Variants in SORCS2 observed in about 807,000 individuals in gnomAD.
SORCS2 encodes VPS10 domain-containing receptor SorCS2.
SORCS2 carries 100 observed loss-of-function variants against 141.6 expected under a neutral mutation model. The observed-to-expected ratio is 0.71, with a 90% confidence interval of 0.60 to 0.83. The LOEUF (loss-of-function observed/expected upper bound fraction) is 0.83, where lower values mean the gene tolerates loss of function less well. Ranked by LOEUF, SORCS2 falls within the 40% of genes least tolerant of loss-of-function variation. The pLI, the probability that SORCS2 is intolerant of heterozygous loss-of-function variation, is 0.00. For missense variants in SORCS2, 1,646 were observed against 1,560.2 expected (o/e 1.05, Z -0.93); for synonymous variants, 789 against 676.9 (o/e 1.17, Z -2.57).
intron 3 of SORCS2, among the ~76,000 whole-genome samples, chr4:7,628,587 C>G (rs1260732467): frequency 1.3e-5 from 2 of 151,852 alleles, no homozygotes; most frequent in African/African-American, 4.8e-5. Context: ...GCACTGAGCT[C>G]GTGGCCTGAG....
chr4:7,539,620 C>A (rs898786520), intron 3 of SORCS2, among the ~76,000 whole-genome samples: 2 of 152,168 alleles, frequency 1.3e-5, no homozygotes, highest in African/African-American at 4.8e-5. Flanking sequence ...TCACTCTCTT[C>A]CCTCCACTCT....
At chr4:7,541,667 T>C (rs1243878959) in intron 3 of SORCS2, among the ~76,000 whole-genome samples, 1 of 152,160 alleles carries the variant, frequency 6.6e-6, no homozygotes, top group Non-Finnish European at 1.5e-5. Flanking sequence ...TCTGCGGACA[T>C]GGCTGAAAGA....
At chr4:7,703,091 G>A (rs2253959) in intron 12 of SORCS2, among the ~76,000 whole-genome samples, 189 bp from the exon 13 acceptor site, 1 of 152,114 alleles carries the variant, frequency 6.6e-6, no homozygotes, top group Non-Finnish European at 1.5e-5. Flanking sequence ...TCCAGGGTGC[G>A]CTGAGTCCGC....
chr4:7,559,993 G>A (rs1477238857), intron 3 of SORCS2, among the ~76,000 whole-genome samples: 1 of 152,214 alleles, frequency 6.6e-6, no homozygotes, highest in Non-Finnish European at 1.5e-5. Context: ...CTGTCCTTTA[G>A]ATGTGTGCCG....
chr4:7,594,643 C>G (rs181777554), intron 3 of SORCS2, among the ~76,000 whole-genome samples: 8 of 152,140 alleles, frequency 5.3e-5, no homozygotes, highest in Non-Finnish European at 1.0e-4. Flanking sequence ...TAGGAAGCCC[C>G]TAATTTACAG....
At position 7,192,799 on chromosome 4, in the gene SORCS2, C is replaced by G; in HGVS notation, c.153C>G (p.Arg51=). 1 of 1,020,260 alleles carries G rather than the reference C, an allele frequency of 9.8e-7. No individual in the cohort carries two copies. The highest frequency in any genetic ancestry group is 1.2e-6 in the Non-Finnish European group (1 of 854,678). The allele number at this position is 1,020,260 out of a possible 1,614,324, so 63.2% of individuals were successfully genotyped here. The change falls in exon 1 of 27, where the codon CGC becomes CGG. Residue 51 remains arginine, a synonymous_variant. Transcript: ENST00000507866. This position sits in a 1 kb window ranked among gnomAD's most constrained non-coding sequence, Gnocchi z 4.0. ...LLLGACGAAG[R]SPEPGRLGPH... is the part of the protein sequence containing the mutation. Reference sequence around the variant, plus strand: ...TGGGCGCCTGCGGGGCGGCGGGGCGCTCCCCTGAGCCCGGGCGCCTGGGTC... The same window carrying G: ...TGGGCGCCTGCGGGGCGGCGGGGCGGTCCCCTGAGCCCGGGCGCCTGGGTC...
chr4:7,361,397 G>T lies in SORCS2; in HGVS notation c.481-34891G>T, dbSNP rs538476676. Among the ~76,000 whole-genome samples the T allele has an allele frequency of 1.1e-3, 172 of 152,330 alleles. 2 individuals carry two copies. Among genetic ancestry groups the T allele is most frequent in the African/African-American group, 3.8e-3 (159 of 41,574 alleles). ...TTGGTGACAGCGCACTCCTTGGGAA[G>T]TGAACGCCTACAGCTGTTGCCCAAA... On this transcript the variant is annotated intron_variant, in intron 1 of 26. Coordinates refer to ENST00000507866, the MANE Select transcript of SORCS2 (RefSeq NM_020777.3).
chr4:7,676,891 C>CTTTCTCTCTCTCTCTCTCTCT (rs1560475781), intron 9 of SORCS2, among the ~76,000 whole-genome samples: 2 of 32,346 alleles, frequency 6.2e-5, no homozygotes, highest in Non-Finnish European at 7.9e-5. Flanking sequence ...CTGAAGTTGG[C>CTTTCTCTCTCTCTCTCTCTCT]CTCTCTCTCT....
intron 1 of SORCS2, among the ~76,000 whole-genome samples, chr4:7,297,675 C>T (rs1201904398): frequency 6.6e-6 from 1 of 152,234 alleles, no homozygotes; most frequent in East Asian, 1.9e-4. Flanking sequence ...CTCTATGGTT[C>T]CCAACCTGAG....
intron 2 of SORCS2, among the ~76,000 whole-genome samples, chr4:7,462,298 T>C (rs889939822): frequency 6.6e-6 from 1 of 152,214 alleles, no homozygotes; most frequent in Non-Finnish European, 1.5e-5. Context: ...GAGCGGGAGA[T>C]GTGAGCAAAT....
intron 1 of SORCS2, among the ~76,000 whole-genome samples, chr4:7,356,887 G>C (rs1392572160): frequency 6.6e-6 from 1 of 152,242 alleles, no homozygotes; most frequent in East Asian, 1.9e-4. Flanking sequence ...CTGGGGCCAG[G>C]CTTGTCCTGG....
intron 1 of SORCS2, among the ~76,000 whole-genome samples, chr4:7,264,048 G>T (rs1714550037): frequency 6.6e-6 from 1 of 152,168 alleles, no homozygotes; most frequent in Non-Finnish European, 1.5e-5. Context: ...AGGTCACAGA[G>T]GCCCCCCTCC....
chr4:7,199,061 G>A (rs1727340770), intron 1 of SORCS2, among the ~76,000 whole-genome samples: 1 of 152,202 alleles, frequency 6.6e-6, no homozygotes, highest in South Asian at 2.1e-4. Flanking sequence ...GGTCTGCTGG[G>A]TGCACTTTGC....
chr4:7,714,379 C>T lies in SORCS2; in HGVS notation c.2123+6C>T, dbSNP rs145840870. 346 of 1,549,938 alleles carry T rather than the reference C, an allele frequency of 2.2e-4. No individual in the cohort carries two copies. The African/African-American group carries it at 3.9e-3, about 18-fold the overall frequency. On this transcript the variant is annotated splice_donor_region_variant and intron_variant, in intron 16 of 26. Coordinates refer to ENST00000507866, the MANE Select transcript of SORCS2 (RefSeq NM_020777.3). ...CGGGACTCGGACTTCCTGTGGTGAGCGACGGGCTCCTGGCCACGAGGCCTC... is the reference window on the plus strand; with the variant it reads ...CGGGACTCGGACTTCCTGTGGTGAGTGACGGGCTCCTGGCCACGAGGCCTC...
At chr4:7,563,198 T>G (rs960817444) in intron 3 of SORCS2, among the ~76,000 whole-genome samples, 1 of 152,130 alleles carries the variant, frequency 6.6e-6, no homozygotes, top group African/African-American at 2.4e-5. Context: ...ACACCAGGCA[T>G]GCCCAGATGT....
intron 2 of SORCS2, among the ~76,000 whole-genome samples, chr4:7,493,663 G>C (rs922186778): frequency 6.6e-6 from 1 of 152,200 alleles, no homozygotes; most frequent in Admixed American, 6.5e-5. Flanking sequence ...GGTGACCTGA[G>C]CTCTTGTGGG....
chr4:7,678,643 C>T (rs758700713), intron 9 of SORCS2, among the ~76,000 whole-genome samples: 2 of 150,220 alleles, frequency 1.3e-5, no homozygotes, highest in Non-Finnish European at 3.0e-5. Context: ...ACACAGGCCT[C>T]AAGGTGAGAG....
Position 7,664,337 on chromosome 4 carries a change from C to T in SORCS2, c.953-16C>T, listed in dbSNP as rs749938501. 1.6e-5 allele frequency: 26 copies of T among 1,606,032 alleles called. 1 individual carries two copies. In the Middle Eastern group the frequency reaches 5.0e-4, roughly 31 times the overall value. On this transcript the variant is annotated splice_polypyrimidine_tract_variant and intron_variant, in intron 6 of 26. Coordinates refer to ENST00000507866, the MANE Select transcript of SORCS2 (RefSeq NM_020777.3). This position sits in a 1 kb window ranked among gnomAD's most constrained non-coding sequence, Gnocchi z 4.7. ...GCTGGAGTCTGACCGCCTGGGTCGG[C>T]GCCTCTCTCCTGTAGATTTTCGGTA...
At chr4:7,321,270 A>C (rs1718876172) in intron 1 of SORCS2, among the ~76,000 whole-genome samples, 1 of 152,150 alleles carries the variant, frequency 6.6e-6, no homozygotes, top group African/African-American at 2.4e-5. Flanking sequence ...CAAAATACAC[A>C]ATTTTATTCC....
Sources: allele counts gnomAD v4.1 joint callset (sites outside exome capture counted in the v4.1 genomes callset), GRCh38; gene constraint gnomAD v4.1.1; non-coding constraint Gnocchi (gnomAD v3.1); transcripts MANE v1.5; gene names NCBI Gene and HGNC (gene_info 2026-07-23, HGNC 2026-07-21).